Variants in FBXO34 observed in about 807,000 individuals in gnomAD.
FBXO34 encodes F-box only protein 34.
In FBXO34, 12 loss-of-function variants were observed where a neutral mutation model predicts 24.5. The observed-to-expected ratio is 0.49, with a 90% CI of 0.31 to 0.79. The LOEUF is 0.79. FBXO34 is among the 30% of genes least tolerant of loss of function. The probability of loss-of-function intolerance (pLI) is 0.04; values close to 1 mark genes in which losing one functional copy is unlikely to be tolerated. For missense variants in FBXO34, 823 were observed against 857.7 expected (o/e 0.96, Z 0.51); for synonymous variants, 320 against 311.9 (o/e 1.03, Z -0.27).
chr14:55,440,550 G>A, the FBXO34 span: 1 of 1,590,086 alleles, frequency 6.3e-7, no homozygotes, highest in Admixed American at 1.8e-5. Flanking sequence ...GGCCATTTAT[G>A]AGCCTGGGGG....
chr14:55,424,818 A>ATATATAGTAGTAC, the FBXO34 span, among the ~76,000 whole-genome samples: 2 of 152,156 alleles, frequency 1.3e-5, no homozygotes, highest in Admixed American at 6.6e-5. Context: ...ATTTACTACT[A>ATATATAGTAGTAC]AATATAAGCT....
Position 55,350,684 on chromosome 14 carries a change from G to T in FBXO34, c.294G>T (p.Gln98His). The T allele has an allele frequency of 6.2e-7, 1 of 1,613,840 alleles. No homozygotes were observed. Among genetic ancestry groups the T allele is most frequent in the Non-Finnish European group, 8.5e-7 (1 of 1,179,956 alleles). Residue 98 changes from glutamine to histidine, a missense_variant, in exon 2 of 2, where the codon CAG (glutamine) becomes CAT (histidine). Gln to His is a conservative substitution (Grantham distance 24, BLOSUM62 0). This residue lies in a region of FBXO34 where 693 missense variants were observed against 659.1 expected (regional missense o/e 1.05). Coordinates refer to ENST00000313833, the MANE Select transcript of FBXO34 (RefSeq NM_017943.4). ...ATGCACCATCTGCAACGATCCACCA[G>T]GGCGAAGAAGAAGGACCACTTGATA... is the stretch of plus-strand genomic sequence containing the variant. ...KKNAPSATIH[Q>H]GEEEGPLDIW... is the part of the protein sequence containing the mutation.
the FBXO34 span, among the ~76,000 whole-genome samples, chr14:55,441,796 A>G: frequency 6.6e-6 from 1 of 151,860 alleles, no homozygotes; most frequent in Non-Finnish European, 1.5e-5. Flanking sequence ...TTTGAGACAG[A>G]GTCTGCTCTG....
At chr14:55,276,928 G>T (rs1207230476) in intron 1 of FBXO34, among the ~76,000 whole-genome samples, 3 of 152,204 alleles carry the variant, frequency 2.0e-5, no homozygotes, top group African/African-American at 7.2e-5. Context: ...GATGGAGTTT[G>T]TCTGGTTCTC....
At position 55,301,974 on chromosome 14, in the gene FBXO34, A is replaced by G. The variant is rs544256009; in HGVS notation, c.-11+30437A>G. 6.6e-4 allele frequency among the ~76,000 whole-genome samples: 100 copies of G among 152,344 alleles called. 1 individual carries two copies. The highest frequency in any genetic ancestry group is 2.3e-3 in the African/African-American group (96 of 41,578). ...AGATCAGTTCTAAGCATATAGGAAG[A>G]ATGATAATTGGATTACCAGCAAGGC... On this transcript the variant is annotated intron_variant, in intron 1 of 1. Transcript: ENST00000313833.
chr14:55,326,290 A>G (rs1435207883), intron 1 of FBXO34, among the ~76,000 whole-genome samples: 1 of 152,188 alleles, frequency 6.6e-6, no homozygotes, highest in Non-Finnish European at 1.5e-5. Flanking sequence ...ATTAAAGACA[A>G]CTAGTAGGGA....
At chr14:55,327,038 T>C (rs1883364123) in intron 1 of FBXO34, among the ~76,000 whole-genome samples, 1 of 152,162 alleles carries the variant, frequency 6.6e-6, no homozygotes, top group South Asian at 2.1e-4. Flanking sequence ...AAAAAAGTGC[T>C]GCAGAGAATG....
At chr14:55,279,450 T>C (rs1881459375) in intron 1 of FBXO34, among the ~76,000 whole-genome samples, 1 of 152,180 alleles carries the variant, frequency 6.6e-6, no homozygotes, top group Non-Finnish European at 1.5e-5. Flanking sequence ...ATTGCTAATA[T>C]AATACTATTG....
At chr14:55,320,635 G>A (rs575916988) in intron 1 of FBXO34, among the ~76,000 whole-genome samples, 6 of 152,178 alleles carry the variant, frequency 3.9e-5, no homozygotes, top group Admixed American at 1.3e-4. Context: ...GTGGGCGCCT[G>A]TAGTCCCAGC....
chr14:55,288,804 A>C (rs1336882675), intron 1 of FBXO34, among the ~76,000 whole-genome samples: 2 of 152,180 alleles, frequency 1.3e-5, no homozygotes, highest in Non-Finnish European at 2.9e-5. Context: ...TAATACCAGC[A>C]CTTTGGGAGG....
chr14:55,402,926 A>AAATATAT, the FBXO34 span, among the ~76,000 whole-genome samples: 1 of 16,402 alleles, frequency 6.1e-5, no homozygotes, highest in Non-Finnish European at 1.1e-4. Context: ...AAAAAAAAAA[A>AAATATAT]ATATATATAT....
chr14:55,311,187 C>T (rs1412238788), intron 1 of FBXO34, among the ~76,000 whole-genome samples: 1 of 152,162 alleles, frequency 6.6e-6, no homozygotes, highest in Non-Finnish European at 1.5e-5. Context: ...ACTTTCTTCA[C>T]AATGTGGCAG....
At chr14:55,278,153 A>G (rs911815729) in intron 1 of FBXO34, among the ~76,000 whole-genome samples, 2 of 152,098 alleles carry the variant, frequency 1.3e-5, no homozygotes, top group African/African-American at 4.8e-5. Context: ...GCCCATACTT[A>G]GGTCATATGT....
At chr14:55,287,366 A>G (rs556096015) in intron 1 of FBXO34, among the ~76,000 whole-genome samples, 5 of 152,248 alleles carry the variant, frequency 3.3e-5, no homozygotes, top group African/African-American at 4.8e-5. Context: ...TCACCATCAC[A>G]CTCAACTGAA....
At chr14:55,345,867 A>G (rs1393903249) in intron 1 of FBXO34, among the ~76,000 whole-genome samples, 1 of 151,192 alleles carries the variant, frequency 6.6e-6, no homozygotes, top group East Asian at 1.9e-4. Flanking sequence ...TTAGCTGGCC[A>G]TTGTGGCATG....
At chr14:55,277,765 G>T (rs1881392536) in intron 1 of FBXO34, among the ~76,000 whole-genome samples, 2 of 152,138 alleles carry the variant, frequency 1.3e-5, no homozygotes, top group African/African-American at 4.8e-5. Flanking sequence ...TATCCAAGTC[G>T]TGCCTACATT....
Position 55,328,034 on chromosome 14 carries a change from C to T in FBXO34, c.-10-22347C>T, listed in dbSNP as rs1164300919. On this transcript the variant is annotated intron_variant, in intron 1 of 1. Coordinates refer to ENST00000313833, the MANE Select transcript of FBXO34 (RefSeq NM_017943.4). ...CCGCCTCCTGGGTTCAAGCAGTTCTCCTGCCTCCGCCTCCCAAGTTCTGCC... is the reference window on the plus strand; with the variant it reads ...CCGCCTCCTGGGTTCAAGCAGTTCTTCTGCCTCCGCCTCCCAAGTTCTGCC... Among the ~76,000 whole-genome samples the T allele has an allele frequency of 2.0e-5, 3 of 147,722 alleles. No individual in the cohort carries two copies. In the Admixed American group the frequency reaches 2.1e-4, roughly 10 times the overall value.
chr14:55,318,115 T>C (rs963962419), intron 1 of FBXO34: 2 of 151,978 alleles, frequency 1.3e-5, no homozygotes, highest in Non-Finnish European at 2.9e-5. Flanking sequence ...TTTTTCAGCT[T>C]TTAAAGTTTA....
chr14:55,318,728 T>G (rs1175393375), intron 1 of FBXO34, among the ~76,000 whole-genome samples: 3 of 152,048 alleles, frequency 2.0e-5, no homozygotes, highest in Non-Finnish European at 4.4e-5. Flanking sequence ...CAAAATAGTT[T>G]CAGGTCATAT....
Sources: allele counts gnomAD v4.1 joint callset (sites outside exome capture counted in the v4.1 genomes callset), GRCh38; gene constraint gnomAD v4.1.1; regional missense constraint gnomAD v4.1.1; transcripts MANE v1.5; gene names NCBI Gene and HGNC (gene_info 2026-07-23, HGNC 2026-07-21).